Variants in MAL2 observed in about 807,000 individuals in gnomAD.
The protein encoded by MAL2 is mal, T cell differentiation protein 2, also known as protein MAL2.
MAL2 carries 17 observed loss-of-function variants against 18.1 expected under a neutral mutation model. The observed-to-expected ratio is 0.94, with a 90% CI of 0.64 to 1.41. MAL2 has a LOEUF of 1.41. MAL2 is among the 40% of genes most tolerant of loss of function. MAL2 has a pLI of 0.00. For missense variants in MAL2, 222 were observed against 231.9 expected (o/e 0.96, Z 0.28); for synonymous variants, 102 against 102.3 (o/e 1.00, Z 0.02).
Position 119,243,491 on chromosome 8 carries a change from C to T in MAL2, c.*3C>T. On this transcript the variant is annotated 3_prime_UTR_variant, in exon 4 of 4. Transcript: ENST00000614891. ...CTTTACGAAGATGGCGACCGTAACA[C>T]TCCTTAGAAACTGGCAGTCGTATGT... 1.3e-6 allele frequency: 2 copies of T among 1,590,264 alleles called. No homozygotes were observed. The highest frequency in any genetic ancestry group is 1.7e-6 in the Non-Finnish European group (2 of 1,166,948).
Position 119,244,824 on chromosome 8 carries a change from G to A in MAL2, c.*1336G>A, listed in dbSNP as rs536553893. 6 of 152,648 alleles carry A rather than the reference G, an allele frequency of 3.9e-5. No individual in the cohort carries two copies. Among genetic ancestry groups the A allele is most frequent in the African/African-American group, 7.2e-5 (3 of 41,552 alleles). 9.5% of individuals were successfully genotyped at this position (152,648 alleles called of 1,614,324 possible). On this transcript the variant is annotated 3_prime_UTR_variant, in exon 4 of 4. Transcript: ENST00000614891. ...TTTTAACCTACCTGTAGAGATCCTC[G>A]TCATGGAAAGGTGCCAAACTGTTTT...
At chr8:119,231,936 T>A (rs766513202) in intron 2 of MAL2, among the ~76,000 whole-genome samples, 6 of 152,082 alleles carry the variant, frequency 3.9e-5, no homozygotes, top group Non-Finnish European at 8.8e-5. Flanking sequence ...TGGGGAAATG[T>A]TGGTCAAAGG....
chr8:119,241,761 T>C (rs1818051992), intron 3 of MAL2, among the ~76,000 whole-genome samples: 1 of 152,198 alleles, frequency 6.6e-6, no homozygotes, highest in South Asian at 2.1e-4. Context: ...GAAAGGTTTA[T>C]AGTGTAGATT....
intron 3 of MAL2, among the ~76,000 whole-genome samples, chr8:119,240,702 T>G (rs1031475250): frequency 2.0e-5 from 3 of 152,196 alleles, no homozygotes; most frequent in African/African-American, 7.2e-5. Context: ...TTTATTTCTA[T>G]TGAATGAATA....
intron 2 of MAL2, 123 bp from the exon 3 acceptor site, chr8:119,240,042 G>T: frequency 9.5e-7 from 1 of 1,049,020 alleles, no homozygotes; most frequent in African/African-American, 1.6e-5. Flanking sequence ...GCTTAACAGT[G>T]AATATAGTTA....
intron 1 of MAL2, among the ~76,000 whole-genome samples, chr8:119,214,224 T>C (rs1030426264): frequency 1.3e-5 from 2 of 152,208 alleles, no homozygotes; most frequent in African/African-American, 4.8e-5. Context: ...AACTGAGCAG[T>C]ATGTGAAAAT....
rs1197359200 is a variant in MAL2 at position 119,208,483 on chromosome 8, G to A, written c.11G>A (p.Gly4Asp). 2.0e-5 allele frequency: 25 copies of A among 1,275,918 alleles called. No homozygotes were observed. The highest frequency in any genetic ancestry group is 2.4e-5 in the Non-Finnish European group (24 of 1,010,534). 79.0% of individuals were successfully genotyped at this position (1,275,918 alleles called of 1,614,324 possible). Residue 4 changes from glycine to aspartate, a missense_variant, in exon 1 of 4, where the codon GGC becomes GAC. Transcript: ENST00000614891. This position sits in a 1 kb window ranked among gnomAD's most constrained non-coding sequence, Gnocchi z 4.3. MSAGGASVPPPPNP... is the reference protein window; with the variant it reads MSADGASVPPPPNP... ...AGCGGCAGCGGCAGCATGTCGGCCGGCGGAGCGTCAGTCCCGCCGCCCCCG... is the reference window on the plus strand; with the variant it reads ...AGCGGCAGCGGCAGCATGTCGGCCGACGGAGCGTCAGTCCCGCCGCCCCCG...
intron 1 of MAL2, among the ~76,000 whole-genome samples, chr8:119,214,733 A>G (rs1013057657): frequency 3.9e-5 from 6 of 152,346 alleles, no homozygotes; most frequent in African/African-American, 1.2e-4. Context: ...ATAACTCTCT[A>G]TAGCACTCTC....
At position 119,221,235 on chromosome 8, in the gene MAL2, A is replaced by G. The variant is rs551714903; in HGVS notation, c.133-352A>G. The G allele has an allele frequency of 1.4e-4, 26 of 181,738 alleles. No individual in the cohort carries two copies. In the South Asian group the frequency reaches 4.2e-3, roughly 29 times the overall value. 11.3% of individuals were successfully genotyped at this position (181,738 alleles called of 1,614,324 possible). A position where few individuals can be genotyped will look rare whatever the true frequency, so the allele number is the denominator to read the frequency against. On this transcript the variant is annotated intron_variant, in intron 1 of 3. Coordinates refer to ENST00000614891, the MANE Select transcript of MAL2 (RefSeq NM_052886.3). ...TGAATTTGTTAAAATGGTTGACTGAAAAAATACCTTCATTGAAAAGGTGGT... is the reference window on the plus strand; with the variant it reads ...TGAATTTGTTAAAATGGTTGACTGAGAAAATACCTTCATTGAAAAGGTGGT...
chr8:119,239,239 C>T (rs1227518294), intron 2 of MAL2, among the ~76,000 whole-genome samples: 1 of 152,128 alleles, frequency 6.6e-6, no homozygotes, highest in Non-Finnish European at 1.5e-5. Context: ...CATCTCATAC[C>T]AGTTAGAATG....
chr8:119,220,131 A>G (rs1817439170), intron 1 of MAL2, among the ~76,000 whole-genome samples: 2 of 152,182 alleles, frequency 1.3e-5, no homozygotes, highest in African/African-American at 4.8e-5. Flanking sequence ...GAGGAGACCA[A>G]TGGTGATAGA....
intron 2 of MAL2, among the ~76,000 whole-genome samples, chr8:119,231,851 T>C (rs1274940915): frequency 6.6e-6 from 1 of 150,960 alleles, no homozygotes; most frequent in African/African-American, 2.5e-5. Context: ...CACTTATATG[T>C]GAAATCTTGA....
At chr8:119,221,309 G>A (rs1817460005) in intron 1 of MAL2, 1 of 308,070 alleles carries the variant, frequency 3.2e-6, no homozygotes, top group Non-Finnish European at 6.0e-6. Flanking sequence ...AATGATGAAG[G>A]AATACTGGAC....
intron 2 of MAL2, among the ~76,000 whole-genome samples, chr8:119,236,338 A>C (rs1587140773): frequency 6.7e-6 from 1 of 149,708 alleles, no homozygotes; most frequent in South Asian, 2.1e-4. Context: ...CCCACACATT[A>C]ATAATGGGAG....
intron 2 of MAL2, among the ~76,000 whole-genome samples, chr8:119,225,004 C>A (rs1421501988): frequency 2.6e-5 from 4 of 151,908 alleles, no homozygotes; most frequent in African/African-American, 9.7e-5. Context: ...TGGTTGTCAT[C>A]CATTTTTCTT....
chr8:119,233,588 A>C (rs1817788846), intron 2 of MAL2, among the ~76,000 whole-genome samples: 2 of 152,304 alleles, frequency 1.3e-5, no homozygotes, highest in East Asian at 1.9e-4. Flanking sequence ...GAAATGGATA[A>C]ATTCCTCGAC....
intron 2 of MAL2, among the ~76,000 whole-genome samples, chr8:119,231,121 T>G (rs1427282472): frequency 1.3e-5 from 2 of 152,096 alleles, no homozygotes; most frequent in African/African-American, 4.8e-5. Context: ...AAGCTCCACC[T>G]CCCAGGTTCA....
At chr8:119,213,488 T>C (rs1229116146) in intron 1 of MAL2, among the ~76,000 whole-genome samples, 1 of 152,224 alleles carries the variant, frequency 6.6e-6, no homozygotes, top group Admixed American at 6.5e-5. Flanking sequence ...GTATTTTTTT[T>C]CCTTTGCCTC....
In MAL2 at chr8:119,208,427, G is replaced by GGGCGGC; in HGVS notation, c.-44_-43insCGGCGG. On this transcript the variant is annotated 5_prime_UTR_variant, in exon 1 of 4. Transcript: ENST00000614891. This position sits in a 1 kb window ranked among gnomAD's most constrained non-coding sequence, Gnocchi z 4.3. ...CGGCAGGAGCCCGGGAGGCGGAGGC[G>GGGCGGC]GGAGGCGGCGGCGGCGCGCGGAGAC... The GGGCGGC allele has an allele frequency of 9.2e-7, 1 of 1,082,090 alleles. No homozygotes were observed. The highest frequency in any genetic ancestry group is 4.4e-5 in the South Asian group (1 of 22,624). The allele number at this position is 1,082,090 out of a possible 1,614,324, so 67.0% of individuals were successfully genotyped here. A position where few individuals can be genotyped will look rare whatever the true frequency, so the allele number is the denominator to read the frequency against.
Sources: gnomAD v4.1 joint callset for allele counts (sites outside exome capture counted in the v4.1 genomes callset) on GRCh38, gnomAD v4.1.1 for gene constraint, Gnocchi (gnomAD v3.1) non-coding constraint, MANE v1.5 for transcripts, NCBI Gene and HGNC (gene_info 2026-07-23, HGNC 2026-07-21) for gene names.